TTC28: variants seen among roughly 807,000 people sequenced by gnomAD.
TTC28 encodes the protein tetratricopeptide repeat protein 28.
TTC28 carries 61 observed loss-of-function variants against 198.0 expected under a neutral mutation model. That is an observed-to-expected ratio of 0.31 (90% confidence interval 0.25 to 0.38). The LOEUF is 0.38. Ranked by LOEUF, TTC28 falls within the 10% of genes least tolerant of loss-of-function variation. TTC28 has a pLI of 1.00. For synonymous variants in TTC28, 1,171 were observed against 1,297.8 expected, an observed-to-expected ratio of 0.90 and a Z score of 2.10; for missense variants, 2,678 against 3,164.0, an observed-to-expected ratio of 0.85 and a Z score of 3.69.
intron 2 of TTC28, among the ~76,000 whole-genome samples, chr22:28,452,186 C>A (rs1051612863): frequency 6.6e-6 from 1 of 151,844 alleles, no homozygotes; most frequent in East Asian, 1.9e-4. Flanking sequence ...TCAGGAGATC[C>A]AGACCATCCT....
rs773254804 is a variant in TTC28 at position 27,982,905 on chromosome 22, G to A, written c.6762C>T (p.Thr2254=). 15 of 1,551,544 alleles carry A rather than the reference G, an allele frequency of 9.7e-6. No homozygotes were observed. In the African/African-American group the frequency reaches 1.9e-4, roughly 20 times the overall value. Residue 2254 remains threonine, a synonymous_variant, in exon 23 of 23, where the codon ACC becomes ACT. Transcript: ENST00000397906. This position sits in a 1 kb window ranked among gnomAD's most constrained non-coding sequence, Gnocchi z 5.2. ...KVSSGYSSPT[T]SEMSIKDSPS... ...GGCTGTCTTTGATGGACATCTCTGA[G>A]GTGGTGGGGCTGCTATATCCGGAAC...
chr22:28,615,144 T>G (rs184651906), intron 2 of TTC28, among the ~76,000 whole-genome samples: 104 of 152,254 alleles, frequency 6.8e-4, no homozygotes, highest in African/African-American at 2.4e-3. Context: ...ACAAAGGATA[T>G]GAACAGACGC....
chr22:28,421,015 T>C (rs766756841), intron 2 of TTC28, among the ~76,000 whole-genome samples: 1 of 147,780 alleles, frequency 6.8e-6, no homozygotes. Flanking sequence ...AAAAGTATCA[T>C]AATTATGAGT....
intron 12 of TTC28, among the ~76,000 whole-genome samples, chr22:28,090,278 A>G (rs907580967): frequency 6.6e-6 from 1 of 152,010 alleles, no homozygotes; most frequent in Non-Finnish European, 1.5e-5. Flanking sequence ...TTTCATACCC[A>G]TATTTTATAT....
intron 2 of TTC28, among the ~76,000 whole-genome samples, chr22:28,320,089 A>G (rs1307550000): frequency 6.6e-6 from 1 of 151,578 alleles, no homozygotes; most frequent in Non-Finnish European, 1.5e-5. Context: ...TGCTACTACT[A>G]TTTTTTCCAT....
Position 28,288,545 on chromosome 22 carries a change from C to T in TTC28, c.933+7653G>A, listed in dbSNP as rs546180716. ...TATATAGGCTGGGCGCGGTGGCTCACGCCTGTAATCCCAGCACTTTGAGAG... is the reference window on the plus strand; with the variant it reads ...TATATAGGCTGGGCGCGGTGGCTCATGCCTGTAATCCCAGCACTTTGAGAG... On this transcript the variant is annotated intron_variant, in intron 5 of 22. Transcript: ENST00000397906. Among the ~76,000 whole-genome samples, 8 of 152,188 alleles carry T rather than the reference C, an allele frequency of 5.3e-5. No homozygotes were observed. In the South Asian group the frequency reaches 1.5e-3, roughly 28 times the overall value.
At position 28,306,611 on chromosome 22, in the gene TTC28, G is replaced by A. The variant is rs1419387695; in HGVS notation, c.414C>T (p.Tyr138=). 6.4e-7 allele frequency: 1 copy of A among 1,551,534 alleles called. No homozygotes were observed. Among genetic ancestry groups the A allele is most frequent in the African/African-American group, 1.4e-5 (1 of 73,120 alleles). The change falls in exon 3 of 23, where the codon TAC becomes TAT. Residue 138 remains tyrosine, a synonymous_variant. Coordinates refer to ENST00000397906, the MANE Select transcript of TTC28 (RefSeq NM_001145418.2). ...AYFRQGVALQ[Y]LGRHADALAA... ...CCAGGGCATCGGCATGACGTCCAAGGTACTGGAGGGCAACACCCTGTCGGA... is the reference window on the plus strand; with the variant it reads ...CCAGGGCATCGGCATGACGTCCAAGATACTGGAGGGCAACACCCTGTCGGA...
chr22:28,137,456 T>A (rs2146978611), intron 6 of TTC28, among the ~76,000 whole-genome samples: 1 of 152,140 alleles, frequency 6.6e-6, no homozygotes, highest in Non-Finnish European at 1.5e-5. Flanking sequence ...CATAATCACA[T>A]CTCTCAGTAG....
intron 12 of TTC28, among the ~76,000 whole-genome samples, chr22:28,088,488 C>G (rs940208211): frequency 6.6e-6 from 1 of 151,698 alleles, no homozygotes; most frequent in Non-Finnish European, 1.5e-5. Flanking sequence ...GGATCCCTTC[C>G]TTACACCTTA....
intron 2 of TTC28, among the ~76,000 whole-genome samples, chr22:28,590,416 A>C (rs908496066): frequency 6.6e-6 from 1 of 152,102 alleles, no homozygotes; most frequent in Non-Finnish European, 1.5e-5. Context: ...GGCGTGAGCC[A>C]CCACGCCCAG....
chr22:28,437,818 T>C (rs951163492), intron 2 of TTC28, among the ~76,000 whole-genome samples: 1 of 152,098 alleles, frequency 6.6e-6, no homozygotes, highest in African/African-American at 2.4e-5. Flanking sequence ...GACATGTGTT[T>C]TTTTAAGTAA....
intron 4 of TTC28, 87 bp downstream of exon 4, chr22:28,297,493 T>C: frequency 1.4e-6 from 2 of 1,440,436 alleles, no homozygotes; most frequent in Middle Eastern, 4.4e-4. Context: ...GGCGATCACT[T>C]TTCATTGCAT....
chr22:28,410,024 C>T (rs1237806237), intron 2 of TTC28, among the ~76,000 whole-genome samples: 1 of 152,038 alleles, frequency 6.6e-6, no homozygotes, highest in African/African-American at 2.4e-5. Context: ...TGGGTTCAAG[C>T]GATTCTCCTG....
rs139552520 is a variant in TTC28 at position 28,338,392 on chromosome 22, G to T, written c.382-31749C>A. On this transcript the variant is annotated intron_variant, in intron 2 of 22. Transcript: ENST00000397906. Reference sequence around the variant, plus strand: ...CTGAATTTGAATATTGGCCTGCCTTGCTAGATTGGGGAAATTCTCCTGGAT... The same window carrying T: ...CTGAATTTGAATATTGGCCTGCCTTTCTAGATTGGGGAAATTCTCCTGGAT... Among the ~76,000 whole-genome samples, 1,508 of 152,284 alleles carry T rather than the reference G, an allele frequency of 9.9e-3. 37 individuals carry two copies. Among genetic ancestry groups the T allele is most frequent in the African/African-American group, 0.035 (1,446 of 41,538 alleles).
chr22:28,115,124 A>ATT (rs996221513), intron 6 of TTC28, among the ~76,000 whole-genome samples: 18 of 151,834 alleles, frequency 1.2e-4, no homozygotes, highest in African/African-American at 4.4e-4. Flanking sequence ...TAAAACCCAG[A>ATT]TTTTTCTGAC....
chr22:28,466,700 A>C (rs1038919520), intron 2 of TTC28, among the ~76,000 whole-genome samples: 6 of 152,138 alleles, frequency 3.9e-5, no homozygotes, highest in African/African-American at 1.4e-4. Flanking sequence ...CGTCTTATGT[A>C]CTTTATGGGT....
At chr22:28,159,982 C>T (rs531431894) in intron 6 of TTC28, among the ~76,000 whole-genome samples, 9 of 152,128 alleles carry the variant, frequency 5.9e-5, no homozygotes, top group Non-Finnish European at 1.3e-4. Flanking sequence ...CATGTTCTCA[C>T]TTATTTGTGG....
intron 12 of TTC28, among the ~76,000 whole-genome samples, chr22:28,035,774 C>T (rs1301122626): frequency 6.6e-6 from 1 of 152,100 alleles, no homozygotes; most frequent in African/African-American, 2.4e-5. Flanking sequence ...TTCTTACTGA[C>T]AATTAGTAAA....
chr22:28,101,420 C>T (rs879384469), intron 8 of TTC28, 140 bp from the exon 9 acceptor site: 24 of 701,306 alleles, frequency 3.4e-5, no homozygotes, highest in Non-Finnish European at 5.4e-5. Context: ...GACTGGAGTG[C>T]AGTGGCAGCT....
Sources: gnomAD v4.1 joint callset for allele counts (sites outside exome capture counted in the v4.1 genomes callset) on GRCh38, gnomAD v4.1.1 for gene constraint, Gnocchi (gnomAD v3.1) non-coding constraint, MANE v1.5 for transcripts, NCBI Gene and HGNC (gene_info 2026-07-23, HGNC 2026-07-21) for gene names.